Variants in ZMYM4 observed in about 807,000 individuals in gnomAD.
The protein encoded by ZMYM4 is zinc finger MYM-type containing 4.
In ZMYM4, 31 loss-of-function variants were observed where a neutral mutation model predicts 183.2. The ratio of observed to expected loss-of-function variants is 0.17; its 90% confidence interval spans 0.13 to 0.23. ZMYM4 has a LOEUF of 0.23. Among genes scored for constraint, ZMYM4 ranks in the 10% least tolerant of loss-of-function variants. The probability of loss-of-function intolerance (pLI) is 1.00; values close to 1 mark genes in which losing one functional copy is unlikely to be tolerated. For missense variants in ZMYM4, 1,273 were observed against 1,840.3 expected (o/e 0.69, Z 5.64); for synonymous variants, 592 against 631.2 (o/e 0.94, Z 0.93).
intron 9 of ZMYM4, among the ~76,000 whole-genome samples, chr1:35,384,841 C>CTTT (rs748891728): frequency 1.6e-4 from 20 of 127,402 alleles, no homozygotes; most frequent in South Asian, 5.0e-4. Flanking sequence ...TTTTCTTTTT[C>CTTT]TTTTTTTTTT....
chr1:35,300,992 TA>T (rs917888702), intron 1 of ZMYM4, among the ~76,000 whole-genome samples: 5 of 151,598 alleles, frequency 3.3e-5, no homozygotes, highest in Admixed American at 6.6e-5. Flanking sequence ...GTGCAGGACT[TA>T]AAAAAAAATT....
At chr1:35,317,423 A>G (rs561013329) in intron 1 of ZMYM4, among the ~76,000 whole-genome samples, 2 of 152,228 alleles carry the variant, frequency 1.3e-5, no homozygotes, top group African/African-American at 4.8e-5. Context: ...ACAAGAGTGA[A>G]ACTCTGTCTC....
intron 2 of ZMYM4, among the ~76,000 whole-genome samples, chr1:35,342,919 C>A (rs1643256043): frequency 6.6e-6 from 1 of 151,944 alleles, no homozygotes; most frequent in Non-Finnish European, 1.5e-5. Flanking sequence ...AGGCCTCAAG[C>A]GACCTGCCCG....
intron 23 of ZMYM4, among the ~76,000 whole-genome samples, chr1:35,401,759 A>G (rs1644913439): frequency 6.6e-6 from 1 of 151,892 alleles, no homozygotes. Context: ...TATGTTTGTG[A>G]TCTATTTTGA....
chr1:35,334,951 T>C (rs1450772011), intron 2 of ZMYM4, among the ~76,000 whole-genome samples: 1 of 152,238 alleles, frequency 6.6e-6, no homozygotes, highest in East Asian at 1.9e-4. Flanking sequence ...GAAAACTTTT[T>C]ATAAATTATT....
intron 2 of ZMYM4, among the ~76,000 whole-genome samples, chr1:35,329,568 T>G (rs1027854338): frequency 1.3e-5 from 2 of 152,234 alleles, no homozygotes; most frequent in African/African-American, 4.8e-5. Flanking sequence ...ATAACAGACT[T>G]GACAGTTTTA....
At chr1:35,333,412 C>A (rs1054755778) in intron 2 of ZMYM4, among the ~76,000 whole-genome samples, 1 of 152,058 alleles carries the variant, frequency 6.6e-6, no homozygotes, top group East Asian at 1.9e-4. Context: ...TGCGCCACCA[C>A]ACCCGGCTAA....
chr1:35,343,097 C>T (rs999122902), intron 2 of ZMYM4, among the ~76,000 whole-genome samples: 4 of 152,132 alleles, frequency 2.6e-5, no homozygotes, highest in East Asian at 1.9e-4. Context: ...TTTCTCTCTC[C>T]GTATCCATCC....
chr1:35,413,583 C>T (rs559301213), intron 26 of ZMYM4, among the ~76,000 whole-genome samples: 1 of 152,174 alleles, frequency 6.6e-6, no homozygotes, highest in South Asian at 2.1e-4. Context: ...GGGTAAAAAA[C>T]AAAAGAGCAC....
At chr1:35,299,466 C>T (rs1464217975) in intron 1 of ZMYM4, among the ~76,000 whole-genome samples, 4 of 152,202 alleles carry the variant, frequency 2.6e-5, no homozygotes, top group Non-Finnish European at 5.9e-5. Context: ...GGTTTAAATC[C>T]TCTTTAGAGG....
At chr1:35,285,107 G>A (rs553246853) in intron 1 of ZMYM4, among the ~76,000 whole-genome samples, 1 of 152,080 alleles carries the variant, frequency 6.6e-6, no homozygotes, top group East Asian at 1.9e-4. Flanking sequence ...TTGAAATTAG[G>A]AAGTAGGAGT....
intron 2 of ZMYM4, among the ~76,000 whole-genome samples, chr1:35,338,497 G>A (rs1214686925): frequency 6.6e-6 from 1 of 152,112 alleles, no homozygotes; most frequent in Non-Finnish European, 1.5e-5. Context: ...ATATGCTCGG[G>A]TTTTGGTATC....
At chr1:35,312,830 T>G (rs1206798535) in intron 1 of ZMYM4, among the ~76,000 whole-genome samples, 1 of 151,906 alleles carries the variant, frequency 6.6e-6, no homozygotes, top group Non-Finnish European at 1.5e-5. Flanking sequence ...AAGTGATTCT[T>G]GTGCCTCAGC....
At chr1:35,399,229 T>G (rs563182204) in intron 22 of ZMYM4, among the ~76,000 whole-genome samples, 186 bp downstream of exon 22, 6 of 152,348 alleles carry the variant, frequency 3.9e-5, no homozygotes, top group African/African-American at 1.4e-4. Context: ...ATTGTTCTTA[T>G]AAGTGGTTAA....
chr1:35,374,214 A>G (rs1207474609), intron 7 of ZMYM4, among the ~76,000 whole-genome samples: 2 of 151,108 alleles, frequency 1.3e-5, no homozygotes. Flanking sequence ...TTGTATTTTT[A>G]GTAGAGATGG....
Position 35,381,249 on chromosome 1 carries a change from T to A in ZMYM4, c.1182-10T>A. 1 of 1,561,756 alleles carries A rather than the reference T, an allele frequency of 6.4e-7. No individual in the cohort carries two copies. The highest frequency in any genetic ancestry group is 8.6e-7 in the Non-Finnish European group (1 of 1,156,518). On this transcript the variant is annotated splice_polypyrimidine_tract_variant and intron_variant, in intron 7 of 29. Transcript: ENST00000314607. ...TACCATGGCTTATGTTATTTTTTTC[T>A]TATTTTTAGAGACATTTTAAATCCA...
At chr1:35,378,327 G>A (rs1425769945) in intron 7 of ZMYM4, among the ~76,000 whole-genome samples, 1 of 152,170 alleles carries the variant, frequency 6.6e-6, no homozygotes, top group Non-Finnish European at 1.5e-5. Context: ...ATCTGGAATG[G>A]TGAATCCTTT....
chr1:35,381,849 A>T (rs1250934389), intron 9 of ZMYM4, 91 bp downstream of exon 9: 5 of 1,491,256 alleles, frequency 3.4e-6, no homozygotes, highest in Non-Finnish European at 4.5e-6. Context: ...TTGTTTTGCA[A>T]TATTGGGTTT....
intron 2 of ZMYM4, among the ~76,000 whole-genome samples, chr1:35,332,422 C>G (rs202234147): frequency 1.0e-5 from 1 of 98,360 alleles, no homozygotes; most frequent in Non-Finnish European, 2.1e-5. Context: ...TTTTTTTTTT[C>G]TCTCCACAAT....
Sources: allele counts gnomAD v4.1 joint callset (sites outside exome capture counted in the v4.1 genomes callset), GRCh38; gene constraint gnomAD v4.1.1; transcripts MANE v1.5; gene names NCBI Gene and HGNC (gene_info 2026-07-23, HGNC 2026-07-21).